MALRD1: variants seen among roughly 807,000 people sequenced by gnomAD.
The protein encoded by MALRD1 is MAM and LDL-receptor class A domain-containing protein 1.
A neutral mutation model predicts 242.1 loss-of-function variants in MALRD1; 247 were observed. That is an observed-to-expected ratio of 1.02 (90% CI 0.92 to 1.13). MALRD1 has a LOEUF of 1.13. MALRD1 is among the 50% of genes most tolerant of loss of function. The pLI is 0.00. For missense variants in MALRD1, 2,989 were observed against 2,533.1 expected, an observed-to-expected ratio of 1.18 and a Z score of -3.86; for synonymous variants, 995 against 866.6, an observed-to-expected ratio of 1.15 and a Z score of -2.60.
At chr10:19,536,092 C>T (rs751370982) in intron 32 of MALRD1, among the ~76,000 whole-genome samples, 9 of 152,098 alleles carry the variant, frequency 5.9e-5, no homozygotes, top group Non-Finnish European at 1.0e-4. Flanking sequence ...CCCTGCCCTT[C>T]CAGGATCTGC....
intron 32 of MALRD1, among the ~76,000 whole-genome samples, chr10:19,535,782 T>TGA (rs1282204545): frequency 6.6e-6 from 1 of 152,162 alleles, no homozygotes; most frequent in Non-Finnish European, 1.5e-5. Flanking sequence ...TTGGAAGGGT[T>TGA]GAGAGACACT....
At chr10:19,287,407 G>A (rs375178631) in intron 21 of MALRD1, among the ~76,000 whole-genome samples, 12 of 151,996 alleles carry the variant, frequency 7.9e-5, no homozygotes, top group African/African-American at 1.7e-4. Flanking sequence ...CCATCGTTCC[G>A]ACTGTGTATA....
At chr10:19,380,674 A>G (rs896597511) in intron 26 of MALRD1, among the ~76,000 whole-genome samples, 1 of 152,066 alleles carries the variant, frequency 6.6e-6, no homozygotes, top group African/African-American at 2.4e-5. Context: ...ATCCTTTTGA[A>G]CATTATATAG....
At chr10:19,430,863 CTA>C (rs1834100832) in intron 28 of MALRD1, among the ~76,000 whole-genome samples, 1 of 152,044 alleles carries the variant, frequency 6.6e-6, no homozygotes, top group Admixed American at 6.6e-5. Context: ...AGTTGTGTTT[CTA>C]TTATTTTAAC....
At chr10:19,560,659 G>T (rs1307211401) in intron 32 of MALRD1, among the ~76,000 whole-genome samples, 2 of 152,086 alleles carry the variant, frequency 1.3e-5, no homozygotes, top group Non-Finnish European at 2.9e-5. Context: ...CATGTCTTTT[G>T]CCGGGACATG....
At chr10:19,389,937 C>T (rs1846266462) in intron 28 of MALRD1, among the ~76,000 whole-genome samples, 1 of 152,150 alleles carries the variant, frequency 6.6e-6, no homozygotes, top group Admixed American at 6.5e-5. Flanking sequence ...GCTGGGACTA[C>T]ATGCATGAGC....
chr10:19,498,191 G>A (rs916475223), intron 30 of MALRD1, among the ~76,000 whole-genome samples: 2 of 152,136 alleles, frequency 1.3e-5, no homozygotes, highest in African/African-American at 2.4e-5. Flanking sequence ...GAATAATCTT[G>A]TATTAGCATA....
chr10:19,574,758 G>T (rs1442587258), intron 33 of MALRD1, among the ~76,000 whole-genome samples: 1 of 152,150 alleles, frequency 6.6e-6, no homozygotes, highest in East Asian at 1.9e-4. Flanking sequence ...TATGATACTG[G>T]ATTTGGAGGA....
At chr10:19,171,879 T>C (rs183454759) in intron 13 of MALRD1, among the ~76,000 whole-genome samples, 3 of 142,910 alleles carry the variant, frequency 2.1e-5, no homozygotes, top group Admixed American at 7.2e-5. Flanking sequence ...TACACGTATA[T>C]ACGTATATAT....
At chr10:19,484,143 G>T (rs1464023027) in intron 29 of MALRD1, among the ~76,000 whole-genome samples, 1 of 152,124 alleles carries the variant, frequency 6.6e-6, no homozygotes, top group Non-Finnish European at 1.5e-5. Flanking sequence ...AGGGAGGAGG[G>T]CAAAGATTGA....
At chr10:19,651,955 G>A (rs1303232751) in intron 36 of MALRD1, among the ~76,000 whole-genome samples, 2 of 152,202 alleles carry the variant, frequency 1.3e-5, no homozygotes, top group Non-Finnish European at 2.9e-5. Flanking sequence ...CCAGGCACAA[G>A]GGCCAAATTG....
At chr10:19,711,650 A>G (rs553633882) in intron 38 of MALRD1, among the ~76,000 whole-genome samples, 1 of 152,284 alleles carries the variant, frequency 6.6e-6, no homozygotes, top group South Asian at 2.1e-4. Flanking sequence ...AAAGAAGAGC[A>G]CCCCAAAAAA....
At chr10:19,148,394 C>T (rs919788063) in intron 11 of MALRD1, among the ~76,000 whole-genome samples, 1 of 151,752 alleles carries the variant, frequency 6.6e-6, no homozygotes, top group Admixed American at 6.6e-5. Flanking sequence ...AAGTAGCTTC[C>T]CTGTGGAGTT....
At chr10:19,438,066 C>T (rs1469935110) in intron 28 of MALRD1, among the ~76,000 whole-genome samples, 1 of 151,958 alleles carries the variant, frequency 6.6e-6, no homozygotes, top group Non-Finnish European at 1.5e-5. Flanking sequence ...TATTTAAGAG[C>T]TCTTTTCATC....
chr10:19,230,062 G>T (rs112024061), intron 18 of MALRD1, among the ~76,000 whole-genome samples: 2 of 152,090 alleles, frequency 1.3e-5, no homozygotes, highest in East Asian at 3.9e-4. Context: ...AACCCCTTTC[G>T]CCTTTCACTT....
At chr10:19,079,090 T>A (rs1157794852) in intron 2 of MALRD1, among the ~76,000 whole-genome samples, 1 of 151,618 alleles carries the variant, frequency 6.6e-6, no homozygotes, top group Non-Finnish European at 1.5e-5. Flanking sequence ...AATGTTGAGA[T>A]CTTTCCTTGT....
At chr10:19,050,376 C>T (rs374593864) in intron 1 of MALRD1, among the ~76,000 whole-genome samples, 6 of 150,042 alleles carry the variant, frequency 4.0e-5, no homozygotes, top group Admixed American at 6.6e-5. Flanking sequence ...CGTGAGCCAC[C>T]GCGCCCGGCC....
At chr10:19,695,554 C>G (rs1833341201) in intron 38 of MALRD1, among the ~76,000 whole-genome samples, 1 of 141,130 alleles carries the variant, frequency 7.1e-6, no homozygotes, top group South Asian at 2.2e-4. Context: ...GAGTCTCACT[C>G]TGTTGCCCAG....
intron 31 of MALRD1, among the ~76,000 whole-genome samples, chr10:19,505,358 G>T (rs1047911662): frequency 1.3e-5 from 2 of 152,092 alleles, no homozygotes; most frequent in East Asian, 1.9e-4. Context: ...AATGTTAAAT[G>T]GGGTCATAAG....
Sources: allele counts gnomAD v4.1 joint callset (sites outside exome capture counted in the v4.1 genomes callset), GRCh38; gene constraint gnomAD v4.1.1; transcripts MANE v1.5; gene names NCBI Gene and HGNC (gene_info 2026-07-23, HGNC 2026-07-21).